Variants in SRGAP2C observed in about 807,000 individuals in gnomAD.
SRGAP2C encodes SLIT-ROBO Rho GTPase activating protein 2C.
Under a neutral mutation model 25.1 loss-of-function variants are expected in SRGAP2C, and 15 were observed. The observed-to-expected ratio is 0.60, with a 90% CI of 0.40 to 0.92. The LOEUF (loss-of-function observed/expected upper bound fraction) is 0.92, where lower values mean the gene tolerates loss of function less well. Ranked by LOEUF, SRGAP2C falls within the 40% of genes least tolerant of loss-of-function variation. SRGAP2C has a pLI of 0.00. For synonymous variants in SRGAP2C, 44 were observed against 96.6 expected, an observed-to-expected ratio of 0.46 and a Z score of 3.19; for missense variants, 144 against 264.4, an observed-to-expected ratio of 0.54 and a Z score of 3.16.
intron 2 of SRGAP2C, among the ~76,000 whole-genome samples, chr1:121,202,431 C>CTT (rs59689282): frequency 3.8e-4 from 49 of 129,298 alleles, no homozygotes; most frequent in Non-Finnish European, 5.3e-4. Flanking sequence ...TGTATGTTGT[C>CTT]TTTTTTTTTT....
At chr1:121,233,150 T>A (rs1376421813) in intron 2 of SRGAP2C, among the ~76,000 whole-genome samples, 3 of 139,732 alleles carry the variant, frequency 2.1e-5, no homozygotes, top group Non-Finnish European at 4.7e-5. Flanking sequence ...TGGTTCTTTT[T>A]TTTTTTTTTT....
intron 2 of SRGAP2C, among the ~76,000 whole-genome samples, chr1:121,264,387 C>CTTA (rs1656711312): frequency 8.0e-6 from 1 of 124,570 alleles, no homozygotes; most frequent in Non-Finnish European, 1.7e-5. Context: ...CTAATTCCCA[C>CTTA]TCTGTGTTCA....
At chr1:121,367,492 T>C (rs1659358038) in intron 5 of SRGAP2C, among the ~76,000 whole-genome samples, 1 of 152,006 alleles carries the variant, frequency 6.6e-6, no homozygotes. Context: ...CAAAGAATTA[T>C]CTGACCCACA....
At position 121,324,530 on chromosome 1, in the gene SRGAP2C, C is replaced by A; in HGVS notation, c.313C>A (p.Gln105Lys). ...CAACTGCTGGAATCTCCTCTTAAAC[C>A]AGGTGAAGTGGGAAAGCAGGGACCA... ...PVNCWNLLLN[Q>K]VKWESRDHTT... The change falls in exon 4 of 10, where the codon CAG becomes AAG. Residue 105 changes from glutamine to lysine, a missense_variant. Gln to Lys is a moderately conservative substitution (Grantham distance 53). Around this residue, in one of 5 missense-constraint regions of SRGAP2C, gnomAD observed 61 missense variants for 61.7 expected, o/e 0.99. Coordinates refer to ENST00000367123, the MANE Select transcript of SRGAP2C (RefSeq NM_001329984.2). The A allele has an allele frequency of 6.2e-7, 1 of 1,613,528 alleles. No homozygotes were observed. The highest frequency in any genetic ancestry group is 1.1e-5 in the South Asian group (1 of 91,072).
Position 121,324,423 on chromosome 1 carries a change from T to G in SRGAP2C, c.261-55T>G, listed in dbSNP as rs1366987884. The G allele has an allele frequency of 7.8e-6, 12 of 1,534,286 alleles. No homozygotes were observed. The East Asian group carries it at 2.2e-4, about 29-fold the overall frequency. ...TTAGGACACGGACTATAGTTGTAGA[T>G]GTTGCCCTGGCTGTGTATCAACAAT... is the stretch of plus-strand genomic sequence containing the variant. On this transcript the variant is annotated intron_variant, in intron 3 of 9. Transcript: ENST00000367123.
chr1:121,191,637 G>T (rs1396701366), intron 2 of SRGAP2C, among the ~76,000 whole-genome samples: 1 of 151,488 alleles, frequency 6.6e-6, no homozygotes, highest in African/African-American at 2.4e-5. Flanking sequence ...TGCAGGGCAT[G>T]GTTACCAGGG....
At chr1:121,362,871 G>A (rs1659233831) in intron 4 of SRGAP2C, 1 of 140,634 alleles carries the variant, frequency 7.1e-6, no homozygotes, top group East Asian at 2.2e-4. Context: ...AGCAGTTGAG[G>A]TCATTGGATG....
intron 5 of SRGAP2C, among the ~76,000 whole-genome samples, chr1:121,367,891 G>A (rs587632699): frequency 2.8e-5 from 4 of 142,332 alleles, no homozygotes; most frequent in South Asian, 2.3e-4. Flanking sequence ...TGGCTAACAC[G>A]GTGAAACTCT....
At chr1:121,302,223 G>GA (rs1258883391) in intron 3 of SRGAP2C, among the ~76,000 whole-genome samples, 6 of 147,458 alleles carry the variant, frequency 4.1e-5, no homozygotes, top group Non-Finnish European at 7.5e-5. Flanking sequence ...GAGTTTATGG[G>GA]AAAAAGATAA....
Position 121,266,486 on chromosome 1 carries a change from C to T in SRGAP2C, c.68-18317C>T, listed in dbSNP as rs1250139637. Among the ~76,000 whole-genome samples the T allele has an allele frequency of 2.6e-5, 4 of 151,738 alleles. No individual in the cohort carries two copies. The East Asian group carries it at 7.7e-4, about 29-fold the overall frequency. The stretch of plus-strand genomic sequence containing the variant: ...TGATATATCTGAGGCTCTAAACTGC[C>T]CAATTATAAAGGGATAATTGGGAAA... On this transcript the variant is annotated intron_variant, in intron 2 of 9. Transcript: ENST00000367123.
chr1:121,313,550 G>T (rs1305057177), intron 3 of SRGAP2C, among the ~76,000 whole-genome samples: 1 of 136,422 alleles, frequency 7.3e-6, no homozygotes, highest in African/African-American at 2.9e-5. Flanking sequence ...GCATGATTTT[G>T]CAGTGGCTGG....
In SRGAP2C at chr1:121,324,510, G is replaced by A. The variant is rs1156889216; in HGVS notation, c.293G>A (p.Cys98Tyr). 2.5e-6 allele frequency: 4 copies of A among 1,612,910 alleles called. No individual in the cohort carries two copies. Among genetic ancestry groups the A allele is most frequent in the South Asian group, 2.2e-5 (2 of 91,074 alleles). The change falls in exon 4 of 10, where the codon TGC becomes TAC. Residue 98 changes from cysteine to tyrosine, a missense_variant. Cys to Tyr is a radical substitution (Grantham distance 194, BLOSUM62 -2). This residue lies in a region of SRGAP2C where 61 missense variants were observed against 61.7 expected (regional missense o/e 0.99). Coordinates refer to ENST00000367123, the MANE Select transcript of SRGAP2C (RefSeq NM_001329984.2). ...KDQNVLSPVNCWNLLLNQVKW... is the reference protein window; with the variant it reads ...KDQNVLSPVNYWNLLLNQVKW... ...CAGAATGTTCTCTCTCCAGTCAACT[G>A]CTGGAATCTCCTCTTAAACCAGGTG...
chr1:121,309,004 C>T, intron 3 of SRGAP2C, among the ~76,000 whole-genome samples: 1 of 122,570 alleles, frequency 8.2e-6, no homozygotes, highest in Non-Finnish European at 1.7e-5. Flanking sequence ...ATTTATGAAA[C>T]AAGTTTATTA....
chr1:121,211,971 AG>A (rs1553323853), intron 2 of SRGAP2C, among the ~76,000 whole-genome samples: 1 of 101,276 alleles, frequency 9.9e-6, no homozygotes, highest in African/African-American at 4.1e-5. Flanking sequence ...CATTCAGTTC[AG>A]TGCATTTTAA....
At chr1:121,263,345 A>T (rs1220649476) in intron 2 of SRGAP2C, among the ~76,000 whole-genome samples, 1 of 148,500 alleles carries the variant, frequency 6.7e-6, no homozygotes, top group Non-Finnish European at 1.5e-5. Flanking sequence ...AAACAAAAAA[A>T]ACTTGAACCC....
At chr1:121,207,624 G>A (rs1221995712) in intron 2 of SRGAP2C, among the ~76,000 whole-genome samples, 1 of 152,184 alleles carries the variant, frequency 6.6e-6, no homozygotes, top group African/African-American at 2.4e-5. Context: ...CTTTGATAGA[G>A]GATTTGATTG....
chr1:121,374,424 C>A, intron 6 of SRGAP2C, among the ~76,000 whole-genome samples: 1 of 152,036 alleles, frequency 6.6e-6, no homozygotes. Context: ...AAACAGCAGT[C>A]ACCTTTCCCA....
At position 121,260,254 on chromosome 1, in the gene SRGAP2C, TAA is replaced by T. The variant is rs587731670; in HGVS notation, c.68-24548_68-24547del. On this transcript the variant is annotated intron_variant, in intron 2 of 9. Transcript: ENST00000367123. ...CATTTGTGCAAAAATTTAAAGGAGG[TAA>T]GAGTGTAAGCCACGTGGATATTGGG... Among the ~76,000 whole-genome samples, 46 of 150,432 alleles carry T rather than the reference TAA, an allele frequency of 3.1e-4. 1 individual carries two copies. In the South Asian group the frequency reaches 4.2e-3, roughly 14 times the overall value.
At chr1:121,374,611 C>G (rs587602813) in intron 6 of SRGAP2C, among the ~76,000 whole-genome samples, 1 of 152,072 alleles carries the variant, frequency 6.6e-6, no homozygotes, top group Non-Finnish European at 1.5e-5. Flanking sequence ...AAGCGGGGCA[C>G]GCATCTTAAG....
Sources: allele counts gnomAD v4.1 joint callset (sites outside exome capture counted in the v4.1 genomes callset), GRCh38; gene constraint gnomAD v4.1.1; regional missense constraint gnomAD v4.1.1; transcripts MANE v1.5; gene names NCBI Gene and HGNC (gene_info 2026-07-23, HGNC 2026-07-21).